Variants in GIP observed in about 807,000 individuals in gnomAD.
GIP encodes glucose-dependent insulinotropic polypeptide.
Under a neutral mutation model 18.1 loss-of-function variants are expected in GIP, and 16 were observed. That is an observed-to-expected ratio of 0.88 (90% confidence interval 0.60 to 1.34). GIP has a LOEUF of 1.34. GIP is among the 40% of genes most tolerant of loss of function. GIP has a pLI of 0.00. For missense variants in GIP, 192 were observed against 183.4 expected (o/e 1.05, Z -0.27); for synonymous variants, 76 against 74.0 (o/e 1.03, Z -0.14).
chr17:48,966,271 A>G (rs988859743), intron 2 of GIP, among the ~76,000 whole-genome samples: 47 of 146,696 alleles, frequency 3.2e-4, no homozygotes, highest in African/African-American at 1.1e-3. Context: ...AAAAAAAAAA[A>G]GGGCCAGGCA....
chr17:48,961,091 G>T (rs2041198499), intron 4 of GIP, 104 bp from the exon 5 acceptor site: 2 of 678,268 alleles, frequency 2.9e-6, no homozygotes, highest in Admixed American at 3.0e-5. Context: ...CGGATGGGGG[G>T]AGGGAGCCGA....
chr17:48,967,090 A>T (rs1411389393), intron 2 of GIP, 57 bp downstream of exon 2: 12 of 1,290,848 alleles, frequency 9.3e-6, no homozygotes, highest in Non-Finnish European at 1.1e-5. Flanking sequence ...ACAAATCCAG[A>T]ACCTGTCATC....
At chr17:48,965,564 C>G (rs1395564951) in intron 2 of GIP, among the ~76,000 whole-genome samples, 1 of 137,678 alleles carries the variant, frequency 7.3e-6, no homozygotes, top group Admixed American at 8.3e-5. Flanking sequence ...GAGATCGCGC[C>G]ACTGCACTCC....
chr17:48,966,188 C>A (rs1303792721), intron 2 of GIP, among the ~76,000 whole-genome samples: 1 of 145,744 alleles, frequency 6.9e-6, no homozygotes, highest in Non-Finnish European at 1.5e-5. Context: ...ACCCGGGAGG[C>A]GGAGGTTGCA....
intron 2 of GIP, 55 bp downstream of exon 2, chr17:48,967,092 C>T: frequency 1.5e-6 from 2 of 1,297,982 alleles, no homozygotes; most frequent in South Asian, 2.4e-5. Flanking sequence ...AAATCCAGAA[C>T]CTGTCATCCC....
intron 3 of GIP, among the ~76,000 whole-genome samples, chr17:48,963,143 C>G (rs557522239): frequency 6.6e-6 from 1 of 152,062 alleles, no homozygotes; most frequent in East Asian, 1.9e-4. Flanking sequence ...GGGAATAGCC[C>G]TGGTCCCTAC....
chr17:48,961,990 G>A (rs1400981682), intron 3 of GIP, among the ~76,000 whole-genome samples, 171 bp from the exon 4 acceptor site: 2 of 152,180 alleles, frequency 1.3e-5, no homozygotes, highest in South Asian at 2.1e-4. Flanking sequence ...AGAATCTACC[G>A]TGCTGACCAG....
intron 3 of GIP, among the ~76,000 whole-genome samples, chr17:48,963,557 G>A (rs2143849160): frequency 6.6e-6 from 1 of 152,034 alleles, no homozygotes; most frequent in African/African-American, 2.4e-5. Flanking sequence ...CTACTCAGGA[G>A]GCTGAGGCAG....
chr17:48,964,747 A>G (rs8078203), intron 2 of GIP, among the ~76,000 whole-genome samples: 18 of 151,904 alleles, frequency 1.2e-4, no homozygotes, highest in African/African-American at 4.4e-4. Context: ...TGTAATCCCA[A>G]CACTTTGGGA....
Position 48,965,496 on chromosome 17 carries a change from T to C in GIP, c.87-1016A>G, listed in dbSNP as rs1395623190. Among the ~76,000 whole-genome samples the C allele has an allele frequency of 6.1e-5, 9 of 147,788 alleles. No individual in the cohort carries two copies. The Admixed American group carries it at 6.3e-4, about 10-fold the overall frequency. On this transcript the variant is annotated intron_variant, in intron 2 of 5. Coordinates refer to ENST00000357424, the MANE Select transcript of GIP (RefSeq NM_004123.3). Reference sequence around the variant, plus strand: ...GGCAGGCGCCTGTAGTCCCAGCTACTTGGGAGGCTGAGGCAGGAGAATGGC... The same window carrying C: ...GGCAGGCGCCTGTAGTCCCAGCTACCTGGGAGGCTGAGGCAGGAGAATGGC...
chr17:48,964,380 T>C lies in GIP; in HGVS notation c.187A>G (p.Ile63Val). 1.2e-6 allele frequency: 2 copies of C among 1,613,810 alleles called. No homozygotes were observed. Among genetic ancestry groups the C allele is most frequent in the Non-Finnish European group, 1.7e-6 (2 of 1,179,796 alleles). ...TGTTGGTGAATCTTGTCCATGGCAA[T>C]ACTGTAGTCACTGATGAAAGTCCCT... is the stretch of plus-strand genomic sequence containing the variant. Reference protein sequence around the residue: ...AEGTFISDYSIAMDKIHQQDF... With the variant: ...AEGTFISDYSVAMDKIHQQDF... Residue 63 changes from isoleucine to valine, a missense_variant, in exon 3 of 6, where the codon ATT becomes GTT. Physicochemically the swap from Ile to Val is conservative, Grantham distance 29 (BLOSUM62 3). Coordinates refer to ENST00000357424, the MANE Select transcript of GIP (RefSeq NM_004123.3).
chr17:48,964,852 G>A (rs1306107996), intron 2 of GIP, among the ~76,000 whole-genome samples: 1 of 152,130 alleles, frequency 6.6e-6, no homozygotes, highest in Non-Finnish European at 1.5e-5. Flanking sequence ...AAATTAGCCA[G>A]GCGTTGGCAG....
At chr17:48,965,116 G>A (rs1418010093) in intron 2 of GIP, among the ~76,000 whole-genome samples, 6 of 112,710 alleles carry the variant, frequency 5.3e-5, no homozygotes, top group Non-Finnish European at 6.9e-5. Context: ...TCCAGCCTGG[G>A]AGACAGAGCG....
chr17:48,964,237 C>T, intron 3 of GIP, 73 bp downstream of exon 3: 2 of 1,152,996 alleles, frequency 1.7e-6, no homozygotes, highest in Non-Finnish European at 1.3e-6. Flanking sequence ...GTGGCCACAG[C>T]CGGTGGCCTC....
intron 3 of GIP, 97 bp from the exon 4 acceptor site, chr17:48,961,916 C>T (rs1350071911): frequency 2.4e-6 from 2 of 816,574 alleles, no homozygotes; most frequent in Non-Finnish European, 4.0e-6. Flanking sequence ...GCAGAGGGTA[C>T]CTTTTTCCAC....
chr17:48,961,809 T>A lies in GIP; in HGVS notation c.268A>T (p.Asn90Tyr). The change falls in exon 4 of 6, where the codon AAC (asparagine) becomes TAC (tyrosine). Residue 90 changes from asparagine to tyrosine, a missense_variant. Transcript: ENST00000357424. ...QKGKKNDWKHNITQREARALE... is the reference protein window; with the variant it reads ...QKGKKNDWKHYITQREARALE... ...GCCCGAGCCTCCCTCTGGGTGATGT[T>A]GTGTTTCCAGCTGGGAAGATAAAGA... The A allele has an allele frequency of 1.9e-6, 3 of 1,611,866 alleles. No homozygotes were observed. Among genetic ancestry groups the A allele is most frequent in the Non-Finnish European group, 2.5e-6 (3 of 1,178,992 alleles).
At position 48,964,444 on chromosome 17, in the gene GIP, C is replaced by G. The variant is rs368922258; in HGVS notation, c.123G>C (p.Lys41Asn). 6.2e-7 allele frequency: 1 copy of G among 1,614,076 alleles called. No individual in the cohort carries two copies. The highest frequency in any genetic ancestry group is 8.5e-7 in the Non-Finnish European group (1 of 1,179,982). Residue 41 changes from lysine to asparagine, a missense_variant, in exon 3 of 6, where the codon AAG becomes AAC. Coordinates refer to ENST00000357424, the MANE Select transcript of GIP (RefSeq NM_004123.3). Reference protein sequence around the residue: ...LPSLPVGSHAKVSSPQPRGPR... With the variant: ...LPSLPVGSHANVSSPQPRGPR... Reference sequence around the variant, plus strand: ...GGCCTCGAGGTTGAGGGCTGCTCACCTTAGCATGAGATCCAACAGGCAGGG... The same window carrying G: ...GGCCTCGAGGTTGAGGGCTGCTCACGTTAGCATGAGATCCAACAGGCAGGG...
At chr17:48,962,219 A>G (rs553869328) in intron 3 of GIP, among the ~76,000 whole-genome samples, 8 of 151,424 alleles carry the variant, frequency 5.3e-5, no homozygotes, top group African/African-American at 1.9e-4. Context: ...ACAGGCAGGC[A>G]TCACCACACC....
chr17:48,959,577 TA>T (rs1457608010), intron 5 of GIP, among the ~76,000 whole-genome samples: 1 of 152,146 alleles, frequency 6.6e-6, no homozygotes. Context: ...TTCTGGGACA[TA>T]AGGAATGGAC....
Sources: gnomAD v4.1 joint callset for allele counts (sites outside exome capture counted in the v4.1 genomes callset) on GRCh38, gnomAD v4.1.1 for gene constraint, MANE v1.5 for transcripts, NCBI Gene and HGNC (gene_info 2026-07-23, HGNC 2026-07-21) for gene names.